The following MYO5B variants were observed in gnomAD, a reference collection of about 807,000 sequenced individuals.
MYO5B encodes the protein unconventional myosin-Vb.
In MYO5B, 143 loss-of-function variants were observed where a neutral mutation model predicts 229.3. The observed-to-expected ratio is 0.62, with a 90% CI of 0.54 to 0.72. The LOEUF (loss-of-function observed/expected upper bound fraction) is 0.72, where lower values mean the gene tolerates loss of function less well. MYO5B is among the 30% of genes least tolerant of loss of function. The pLI, the probability that MYO5B is intolerant of heterozygous loss-of-function variation, is 0.00. For missense variants in MYO5B, 2,321 were observed against 2,331.0 expected, an observed-to-expected ratio of 1.00 and a Z score of 0.09; for synonymous variants, 918 against 885.2, an observed-to-expected ratio of 1.04 and a Z score of -0.66.
At chr18:50,021,279 G>A (rs1434592992) in intron 4 of MYO5B, among the ~76,000 whole-genome samples, 1 of 152,160 alleles carries the variant, frequency 6.6e-6, no homozygotes, top group Non-Finnish European at 1.5e-5. Flanking sequence ...CACTTTGGAG[G>A]ACAGCTAGAA....
At chr18:49,863,614 T>TGTC (rs1439789213) in intron 28 of MYO5B, among the ~76,000 whole-genome samples, 1 of 152,056 alleles carries the variant, frequency 6.6e-6, no homozygotes, top group Admixed American at 6.5e-5. Flanking sequence ...AGCACACAGG[T>TGTC]AGACCCTGGT....
chr18:49,958,342 T>C (rs1020192441), intron 12 of MYO5B, among the ~76,000 whole-genome samples: 2 of 152,216 alleles, frequency 1.3e-5, no homozygotes, highest in South Asian at 2.1e-4. Context: ...ATCTGCGCAC[T>C]CTGCAATTTC....
At chr18:49,929,956 G>A (rs2025171847) in intron 16 of MYO5B, among the ~76,000 whole-genome samples, 1 of 152,126 alleles carries the variant, frequency 6.6e-6, no homozygotes, top group South Asian at 2.1e-4. Context: ...ATCCACAAGG[G>A]CATGCATCTT....
chr18:49,950,567 A>C (rs972229285), intron 14 of MYO5B, among the ~76,000 whole-genome samples: 1 of 152,156 alleles, frequency 6.6e-6, no homozygotes, highest in African/African-American at 2.4e-5. Flanking sequence ...CTCGTGTGGA[A>C]AGACAACCAA....
At chr18:49,957,142 C>CAAAAAAAAAAAGAAA (rs2025501817) in intron 12 of MYO5B, among the ~76,000 whole-genome samples, 1 of 58,730 alleles carries the variant, frequency 1.7e-5, no homozygotes, top group Non-Finnish European at 2.9e-5. Flanking sequence ...AATAAAGTAG[C>CAAAAAAAAAAAGAAA]AAAAAAAAAA....
chr18:49,843,373 C>T lies in MYO5B; in HGVS notation c.4479G>A (p.Leu1493=). The change falls in exon 34 of 40, where the codon CTG becomes CTA. Residue 1493 remains leucine (L), a synonymous_variant. Coordinates refer to ENST00000285039, the MANE Select transcript of MYO5B (RefSeq NM_001080467.3). The stretch of plus-strand genomic sequence containing the variant: ...CGGGGAGACAGGGCACTGTGCCCGA[C>T]AGCATCTGGGGCTTCAAGTCTAAGG... ...NLVTDLKPQM[L]SGTVPCLPAY... 6.2e-7 allele frequency: 1 copy of T among 1,614,178 alleles called. No individual in the cohort carries two copies. The highest frequency in any genetic ancestry group is 8.5e-7 in the Non-Finnish European group (1 of 1,180,044).
chr18:50,132,038 G>A (rs1333239976), intron 1 of MYO5B, among the ~76,000 whole-genome samples: 1 of 152,142 alleles, frequency 6.6e-6, no homozygotes, highest in Non-Finnish European at 1.5e-5. Flanking sequence ...ATTGAAAGGG[G>A]CTCCTGCTTC....
chr18:50,162,025 G>A (rs970913853), intron 1 of MYO5B, among the ~76,000 whole-genome samples: 10 of 152,378 alleles, frequency 6.6e-5, no homozygotes, highest in Admixed American at 6.5e-4. Flanking sequence ...GTACCTGCGT[G>A]CAACGCAGAT....
chr18:50,166,152 C>T (rs1224382449), intron 1 of MYO5B, among the ~76,000 whole-genome samples: 1 of 151,930 alleles, frequency 6.6e-6, no homozygotes, highest in Non-Finnish European at 1.5e-5. Flanking sequence ...GTTAGTACGC[C>T]CTTCATATCA....
At chr18:49,834,812 G>T (rs1012979055) in intron 39 of MYO5B, among the ~76,000 whole-genome samples, 2 of 152,016 alleles carry the variant, frequency 1.3e-5, no homozygotes, top group Non-Finnish European at 2.9e-5. Context: ...CTAATTTTTT[G>T]TATTTTTAGT....
At chr18:50,117,764 G>T (rs183194416) in intron 1 of MYO5B, among the ~76,000 whole-genome samples, 1 of 152,090 alleles carries the variant, frequency 6.6e-6, no homozygotes, top group Non-Finnish European at 1.5e-5. Context: ...GAGTGATTTT[G>T]TTGCTAAAAA....
At chr18:50,026,902 G>A (rs142374479) in intron 4 of MYO5B, among the ~76,000 whole-genome samples, 192 of 152,276 alleles carry the variant, frequency 1.3e-3, no homozygotes, top group African/African-American at 4.5e-3. Context: ...AACTTGCTCA[G>A]GGCCACACAG....
chr18:50,107,650 T>C (rs1441148853), intron 1 of MYO5B, among the ~76,000 whole-genome samples: 1 of 152,158 alleles, frequency 6.6e-6, no homozygotes, highest in Non-Finnish European at 1.5e-5. Flanking sequence ...CAGCACTGTT[T>C]CCGGTTTTCA....
chr18:49,855,679 T>G (rs2024253963), intron 30 of MYO5B, among the ~76,000 whole-genome samples: 1 of 152,214 alleles, frequency 6.6e-6, no homozygotes, highest in African/African-American at 2.4e-5. Context: ...AAGGTCCTAT[T>G]CCATTCACAA....
intron 39 of MYO5B, among the ~76,000 whole-genome samples, chr18:49,832,952 G>T (rs890269316): frequency 6.6e-6 from 1 of 152,072 alleles, no homozygotes; most frequent in Non-Finnish European, 1.5e-5. Flanking sequence ...TTATTATCAT[G>T]AACCTATCAC....
chr18:50,043,581 A>T (rs1184979691), intron 2 of MYO5B, among the ~76,000 whole-genome samples: 7 of 129,984 alleles, frequency 5.4e-5, no homozygotes, highest in African/African-American at 2.1e-4. Flanking sequence ...TTTTTATATA[A>T]AAATATATTT....
intron 17 of MYO5B, among the ~76,000 whole-genome samples, chr18:49,920,724 T>A (rs2025064770): frequency 1.3e-5 from 2 of 152,168 alleles, no homozygotes; most frequent in Admixed American, 6.5e-5. Context: ...TTCAGGGTAA[T>A]GATTTTAAGG....
chr18:49,932,458 C>A (rs949265), intron 16 of MYO5B, among the ~76,000 whole-genome samples: 78,956 of 152,016 alleles, frequency 0.52, 21,006 homozygotes, highest in Middle Eastern at 0.71. Flanking sequence ...CTTTGCCACA[C>A]CTGTTCTGTC....
At chr18:50,150,031 C>T (rs1286651638) in intron 1 of MYO5B, among the ~76,000 whole-genome samples, 2 of 150,080 alleles carry the variant, frequency 1.3e-5, no homozygotes, top group Non-Finnish European at 3.0e-5. Flanking sequence ...AGGACATGAA[C>T]AGACACTTCT....
Sources: gnomAD v4.1 joint callset for allele counts (sites outside exome capture counted in the v4.1 genomes callset) on GRCh38, gnomAD v4.1.1 for gene constraint, MANE v1.5 for transcripts, NCBI Gene and HGNC (gene_info 2026-07-23, HGNC 2026-07-21) for gene names.